KCNIP4: variants seen among roughly 807,000 people sequenced by gnomAD.
The protein encoded by KCNIP4 is Kv channel-interacting protein 4.
In KCNIP4, 12 loss-of-function variants were observed where a neutral mutation model predicts 34.0. The observed-to-expected ratio is 0.35, with a 90% CI of 0.23 to 0.57. The LOEUF (loss-of-function observed/expected upper bound fraction) is 0.57. Among genes scored for constraint, KCNIP4 ranks in the 20% least tolerant of loss-of-function variants. The pLI, the probability that KCNIP4 is intolerant of heterozygous loss-of-function variation, is 0.83. For missense variants in KCNIP4, 238 were observed against 311.7 expected, an observed-to-expected ratio of 0.76 and a Z score of 1.78; for synonymous variants, 124 against 102.2, an observed-to-expected ratio of 1.21 and a Z score of -1.29.
chr4:21,739,804 C>G (rs1435197600), intron 1 of KCNIP4, among the ~76,000 whole-genome samples: 1 of 151,988 alleles, frequency 6.6e-6, no homozygotes, highest in Non-Finnish European at 1.5e-5. Flanking sequence ...TTCTGTTTCT[C>G]TCATTAAAAT....
chr4:21,053,453 A>G (rs975261710), intron 1 of KCNIP4, among the ~76,000 whole-genome samples: 1 of 152,248 alleles, frequency 6.6e-6, no homozygotes, highest in Non-Finnish European at 1.5e-5. Flanking sequence ...AATTAAGGTC[A>G]GGAACAAGGA....
intron 1 of KCNIP4, among the ~76,000 whole-genome samples, chr4:21,555,386 G>C (rs992090427): frequency 2.0e-5 from 3 of 152,150 alleles, no homozygotes; most frequent in Non-Finnish European, 4.4e-5. Flanking sequence ...AGTGAAAAGA[G>C]TCTGCTTTGC....
intron 1 of KCNIP4, among the ~76,000 whole-genome samples, chr4:21,734,049 G>A (rs1395527421): frequency 6.6e-6 from 1 of 152,104 alleles, no homozygotes; most frequent in Non-Finnish European, 1.5e-5. Context: ...TGCAGGACAG[G>A]GCGCTGGTAG....
chr4:21,665,038 C>T (rs921361851), intron 1 of KCNIP4, among the ~76,000 whole-genome samples: 1 of 152,152 alleles, frequency 6.6e-6, no homozygotes, highest in Admixed American at 6.5e-5. Flanking sequence ...TAATGGCTAT[C>T]ATATAGTATT....
At chr4:21,648,047 G>A (rs1387784418) in intron 1 of KCNIP4, among the ~76,000 whole-genome samples, 2 of 151,332 alleles carry the variant, frequency 1.3e-5, no homozygotes, top group African/African-American at 4.9e-5. Flanking sequence ...CTAATTTTTT[G>A]TATTTTTAGT....
intron 1 of KCNIP4, among the ~76,000 whole-genome samples, chr4:21,885,562 A>G (rs1258744458): frequency 6.6e-6 from 1 of 152,132 alleles, no homozygotes; most frequent in African/African-American, 2.4e-5. Flanking sequence ...CTATTCACCC[A>G]CTTAAGCATC....
intron 5 of KCNIP4, among the ~76,000 whole-genome samples, chr4:20,745,789 G>C (rs907076695): frequency 6.6e-6 from 1 of 152,124 alleles, no homozygotes; most frequent in Non-Finnish European, 1.5e-5. Context: ...CTATGCTGGG[G>C]ACAATCCTCC....
intron 1 of KCNIP4, among the ~76,000 whole-genome samples, chr4:21,610,744 A>G (rs1434993592): frequency 6.6e-6 from 1 of 152,166 alleles, no homozygotes; most frequent in Non-Finnish European, 1.5e-5. Context: ...AAAGAGGTTT[A>G]ATTGACTCAC....
At chr4:21,786,606 C>T (rs1348784149) in intron 1 of KCNIP4, among the ~76,000 whole-genome samples, 2 of 143,364 alleles carry the variant, frequency 1.4e-5, no homozygotes, top group African/African-American at 2.7e-5. Flanking sequence ...CTTGCTCTGT[C>T]TTCCAGGCTG....
At chr4:20,743,933 C>G (rs563310157) in intron 5 of KCNIP4, among the ~76,000 whole-genome samples, 10 of 151,612 alleles carry the variant, frequency 6.6e-5, no homozygotes, top group South Asian at 2.1e-4. Flanking sequence ...AAAAAAAAAC[C>G]CTTCAAAAAG....
intron 1 of KCNIP4, chr4:21,697,663 C>A: frequency 7.8e-7 from 1 of 1,287,992 alleles, no homozygotes. Context: ...TGAGAAAACA[C>A]GGCTTCTCAG....
chr4:21,393,133 A>G (rs894318165), intron 1 of KCNIP4, among the ~76,000 whole-genome samples: 1 of 152,212 alleles, frequency 6.6e-6, no homozygotes, highest in Non-Finnish European at 1.5e-5. Flanking sequence ...ACATGTGACT[A>G]TAACCCAGAT....
At chr4:21,688,324 G>A (rs1326888956) in intron 1 of KCNIP4, among the ~76,000 whole-genome samples, 1 of 152,140 alleles carries the variant, frequency 6.6e-6, no homozygotes, top group African/African-American at 2.4e-5. Flanking sequence ...AATTAGGAAT[G>A]CTGAACCAGT....
chr4:21,939,987 T>C (rs1371976648), intron 1 of KCNIP4, among the ~76,000 whole-genome samples: 1 of 152,182 alleles, frequency 6.6e-6, no homozygotes, highest in East Asian at 1.9e-4. Flanking sequence ...CAGAACATCA[T>C]GTAAATTCCC....
At chr4:21,148,486 A>G (rs2109236743) in intron 1 of KCNIP4, among the ~76,000 whole-genome samples, 1 of 152,312 alleles carries the variant, frequency 6.6e-6, no homozygotes, top group South Asian at 2.1e-4. Flanking sequence ...ACGTTTATCC[A>G]ATGTCAAGGC....
intron 5 of KCNIP4, among the ~76,000 whole-genome samples, chr4:20,744,623 CAG>C (rs1266159440): frequency 4.7e-5 from 7 of 148,354 alleles, no homozygotes; most frequent in African/African-American, 1.0e-4. Context: ...GATGAGGGGT[CAG>C]GGGGATGGGG....
chr4:21,715,088 T>C (rs868061592), intron 1 of KCNIP4, among the ~76,000 whole-genome samples: 1 of 50,060 alleles, frequency 2.0e-5, no homozygotes, highest in African/African-American at 2.1e-4. Flanking sequence ...TATTTTATTT[T>C]ATTTATTTTT....
At chr4:21,927,598 C>A (rs977503206) in intron 1 of KCNIP4, among the ~76,000 whole-genome samples, 1 of 152,152 alleles carries the variant, frequency 6.6e-6, no homozygotes, top group Non-Finnish European at 1.5e-5. Flanking sequence ...AGAGCTGGGG[C>A]ATCCCAACAA....
intron 1 of KCNIP4, among the ~76,000 whole-genome samples, chr4:21,823,174 T>C (rs572700085): frequency 1.3e-5 from 2 of 152,254 alleles, no homozygotes; most frequent in South Asian, 2.1e-4. Flanking sequence ...AAATTCACAA[T>C]GTTCAAACTT....
Sources: gnomAD v4.1 joint callset for allele counts (sites outside exome capture counted in the v4.1 genomes callset) on GRCh38, gnomAD v4.1.1 for gene constraint, MANE v1.5 for transcripts, NCBI Gene and HGNC (gene_info 2026-07-23, HGNC 2026-07-21) for gene names.